The following PARD3 variants were observed in gnomAD, a reference collection of about 807,000 sequenced individuals.
PARD3 encodes the protein par-3 family cell polarity regulator.
In PARD3, 75 loss-of-function variants were observed where a neutral mutation model predicts 155.4. The ratio of observed to expected loss-of-function variants is 0.48; its 90% CI spans 0.40 to 0.58. The LOEUF (loss-of-function observed/expected upper bound fraction) is 0.58, where lower values mean the gene tolerates loss of function less well. PARD3 is among the 20% of genes least tolerant of loss of function. PARD3 has a pLI of 0.00. For synonymous variants in PARD3, 576 were observed against 610.5 expected (o/e 0.94, Z 0.83); for missense variants, 1,642 against 1,721.7 (o/e 0.95, Z 0.82).
intron 22 of PARD3, among the ~76,000 whole-genome samples, chr10:34,239,924 A>C (rs971324731): frequency 2.6e-5 from 4 of 152,306 alleles, no homozygotes; most frequent in Admixed American, 2.6e-4. Context: ...TATTGGCAGG[A>C]AATAGGATAG....
intron 1 of PARD3, among the ~76,000 whole-genome samples, chr10:34,736,272 C>T (rs555002791): frequency 7.2e-5 from 11 of 151,784 alleles, no homozygotes; most frequent in Admixed American, 1.3e-4. Context: ...CCTCATGATC[C>T]GCCTGCCTCG....
intron 2 of PARD3, among the ~76,000 whole-genome samples, chr10:34,644,513 C>T (rs559499090): frequency 3.9e-5 from 6 of 152,326 alleles, no homozygotes; most frequent in South Asian, 4.1e-4. Context: ...CTCAAGGTTT[C>T]AGGCATGTTA....
In PARD3 at chr10:34,551,511, G is replaced by A. The variant is rs184417924; in HGVS notation, c.223-34352C>T. Among the ~76,000 whole-genome samples the A allele has an allele frequency of 1.2e-3, 176 of 152,264 alleles. 1 individual carries two copies. Among genetic ancestry groups the A allele is most frequent in the African/African-American group, 4.0e-3 (168 of 41,556 alleles). The stretch of plus-strand genomic sequence containing the variant: ...ACTGACCCCACCTTTGATTCCAATT[G>A]CAACAGCCCTTGGGCTGGAGGTTTA... On this transcript the variant is annotated intron_variant, in intron 2 of 24. Transcript: ENST00000374788.
At chr10:34,806,623 AC>A (rs1293790396) in intron 1 of PARD3, among the ~76,000 whole-genome samples, 1 of 152,104 alleles carries the variant, frequency 6.6e-6, no homozygotes, top group African/African-American at 2.4e-5. Context: ...GAGCCTTCTC[AC>A]CCAGCCAACC....
Position 34,270,032 on chromosome 10 carries a change from GAC to G in PARD3, c.3177-135_3177-134del, listed in dbSNP as rs1456079964. The G allele has an allele frequency of 1.4e-5, 12 of 845,840 alleles. No individual in the cohort carries two copies. In the East Asian group the frequency reaches 3.2e-4, roughly 22 times the overall value. The allele number at this position is 845,840 out of a possible 1,614,324, so 52.4% of individuals were successfully genotyped here. On this transcript the variant is annotated intron_variant, in intron 21 of 24. Coordinates refer to ENST00000374788, the MANE Select transcript of PARD3 (RefSeq NM_001184785.2). ...GCTATAGAAGATCAGTGGTATAAATGACAGGTCATACACATTCTAGATTGTTA... is the reference window on the plus strand; with the variant it reads ...GCTATAGAAGATCAGTGGTATAAATGAGGTCATACACATTCTAGATTGTTA...
At chr10:34,779,484 G>A (rs1564611966) in intron 1 of PARD3, among the ~76,000 whole-genome samples, 1 of 151,882 alleles carries the variant, frequency 6.6e-6, no homozygotes, top group Non-Finnish European at 1.5e-5. Context: ...AGCCAGGCAT[G>A]GTGGCGGGCT....
intron 2 of PARD3, among the ~76,000 whole-genome samples, chr10:34,581,474 T>C (rs1024644205): frequency 6.6e-6 from 1 of 152,132 alleles, no homozygotes; most frequent in African/African-American, 2.4e-5. Flanking sequence ...GACCTCGTGA[T>C]CTACCCACCT....
intron 23 of PARD3, among the ~76,000 whole-genome samples, chr10:34,129,634 C>A (rs1233706517): frequency 1.3e-5 from 2 of 151,500 alleles, no homozygotes; most frequent in Non-Finnish European, 2.9e-5. Context: ...ACATAACCAA[C>A]CTCTCAGCTG....
intron 2 of PARD3, among the ~76,000 whole-genome samples, chr10:34,544,809 C>T (rs1021703754): frequency 1.3e-5 from 2 of 152,288 alleles, no homozygotes; most frequent in African/African-American, 4.8e-5. Context: ...TTGTTTAATT[C>T]TTACAGTAAT....
intron 7 of PARD3, among the ~76,000 whole-genome samples, chr10:34,396,275 G>A (rs1246669007): frequency 2.6e-5 from 4 of 152,140 alleles, no homozygotes; most frequent in African/African-American, 7.2e-5. Context: ...GCTTGAACCC[G>A]GGAAGCGGAG....
chr10:34,580,940 T>A (rs1222133186), intron 2 of PARD3, among the ~76,000 whole-genome samples: 1 of 152,194 alleles, frequency 6.6e-6, no homozygotes, highest in East Asian at 1.9e-4. Context: ...ACTTACATGG[T>A]CTAACACATT....
At chr10:34,620,197 C>T (rs1471384487) in intron 2 of PARD3, among the ~76,000 whole-genome samples, 1 of 152,144 alleles carries the variant, frequency 6.6e-6, no homozygotes, top group Non-Finnish European at 1.5e-5. Context: ...CTCCCAAATG[C>T]CACCAATTTA....
chr10:34,133,356 C>T (rs1458900245), intron 22 of PARD3, among the ~76,000 whole-genome samples: 2 of 152,182 alleles, frequency 1.3e-5, no homozygotes, highest in Non-Finnish European at 2.9e-5. Flanking sequence ...GTCAAATAGA[C>T]AAGCCACACA....
intron 2 of PARD3, among the ~76,000 whole-genome samples, chr10:34,624,082 C>T (rs1159727992): frequency 2.6e-5 from 4 of 152,106 alleles, no homozygotes; most frequent in African/African-American, 9.7e-5. Context: ...TGTGTGCACA[C>T]GGCTCCTATT....
At chr10:34,781,731 C>T (rs1840260295) in intron 1 of PARD3, among the ~76,000 whole-genome samples, 1 of 152,176 alleles carries the variant, frequency 6.6e-6, no homozygotes, top group African/African-American at 2.4e-5. Context: ...ACATGCTCAG[C>T]ACTATACACA....
intron 1 of PARD3, among the ~76,000 whole-genome samples, chr10:34,772,139 C>G (rs1753464420): frequency 6.6e-6 from 1 of 152,184 alleles, no homozygotes; most frequent in Non-Finnish European, 1.5e-5. Context: ...AAAACCCAAG[C>G]TCACTGGGCG....
At chr10:34,190,148 A>G (rs1183707438) in intron 22 of PARD3, among the ~76,000 whole-genome samples, 1 of 152,232 alleles carries the variant, frequency 6.6e-6, no homozygotes, top group African/African-American at 2.4e-5. Context: ...CTAAGGTTTT[A>G]GGTTTCACAT....
chr10:34,363,988 T>A (rs888329033), intron 12 of PARD3, among the ~76,000 whole-genome samples: 1 of 152,220 alleles, frequency 6.6e-6, no homozygotes, highest in Non-Finnish European at 1.5e-5. Context: ...AGAAAAGATG[T>A]ACATTTCTAT....
At chr10:34,805,838 G>A (rs554258187) in intron 1 of PARD3, among the ~76,000 whole-genome samples, 104 of 151,930 alleles carry the variant, frequency 6.8e-4, no homozygotes, top group South Asian at 1.7e-3. Context: ...TTAGCCAGGC[G>A]TGGTGGTGGG....
Sources: allele counts gnomAD v4.1 joint callset (sites outside exome capture counted in the v4.1 genomes callset), GRCh38; gene constraint gnomAD v4.1.1; transcripts MANE v1.5; gene names NCBI Gene and HGNC (gene_info 2026-07-23, HGNC 2026-07-21).